TMEM230: variants seen among roughly 807,000 people sequenced by gnomAD.
TMEM230 encodes the protein UPF0414 transmembrane protein C20orf30.
Under a neutral mutation model 15.8 loss-of-function variants are expected in TMEM230, and 10 were observed. That is an observed-to-expected ratio of 0.63 (90% confidence interval 0.39 to 1.07). TMEM230 has a LOEUF of 1.07. TMEM230 is among the 50% of genes least tolerant of loss of function. TMEM230 has a pLI of 0.01. For missense variants in TMEM230, 165 were observed against 193.3 expected (o/e 0.85, Z 0.87); for synonymous variants, 67 against 76.9 (o/e 0.87, Z 0.68).
downstream of TMEM230, among the ~76,000 whole-genome samples, chr20:5,099,262 C>A (rs768081750): frequency 9.9e-5 from 15 of 151,540 alleles, no homozygotes; most frequent in African/African-American, 2.4e-4. Flanking sequence ...AATAAAAAAA[C>A]CAAATCATTT....
At chr20:5,103,166 C>T (rs543305231) in intron 4 of TMEM230, among the ~76,000 whole-genome samples, 4 of 152,142 alleles carry the variant, frequency 2.6e-5, no homozygotes, top group East Asian at 1.9e-4. Context: ...TAACACACAA[C>T]GGGAAACATA....
In TMEM230 at chr20:5,109,365, G is replaced by C. The variant is rs753682918; in HGVS notation, c.255C>G (p.Leu85=). 33 of 1,613,360 alleles carry C rather than the reference G, an allele frequency of 2.0e-5. No individual in the cohort carries two copies. The highest frequency in any genetic ancestry group is 2.8e-5 in the Non-Finnish European group (33 of 1,179,826). The change falls in exon 3 of 5, where the codon CTC becomes CTG. Residue 85 remains leucine (L), a synonymous_variant. Coordinates refer to ENST00000342308, the MANE Select transcript of TMEM230 (RefSeq NM_001009923.2). Reference sequence around the variant, plus strand: ...CAATGTAGCCATCGTCTGTGCTGGAGAGCCTTGAATATTTCACTTTACTAC... The same window carrying C: ...CAATGTAGCCATCGTCTGTGCTGGACAGCCTTGAATATTTCACTTTACTAC...
chr20:5,067,431 A>ATATG (rs1467423999), downstream of TMEM230: 4 of 11,990 alleles, frequency 3.3e-4, no homozygotes, highest in South Asian at 0.02. Context: ...ATATATATAT[A>ATATG]TATATATATA....
chr20:5,100,153 T>C lies in TMEM230; in HGVS notation c.*638A>G, dbSNP rs2089797431. On this transcript the variant is annotated 3_prime_UTR_variant, in exon 5 of 5. Transcript: ENST00000342308. Reference sequence around the variant, plus strand: ...TTTACAAGGGACAAAATGATGCAAATTATATGCTGTCCAACCTACTGGTGA... The same window carrying C: ...TTTACAAGGGACAAAATGATGCAAACTATATGCTGTCCAACCTACTGGTGA... 2.0e-6 allele frequency: 2 copies of C among 985,294 alleles called. No homozygotes were observed. Among genetic ancestry groups the C allele is most frequent in the Non-Finnish European group, 2.4e-6 (2 of 829,936 alleles). The allele number at this position is 985,294 out of a possible 1,614,324, so 61.0% of individuals were successfully genotyped here. A position where few individuals can be genotyped will look rare whatever the true frequency, so the allele number is the denominator to read the frequency against.
chr20:5,088,353 C>T (rs957900077), intron 3 of TMEM230, among the ~76,000 whole-genome samples: 2 of 147,590 alleles, frequency 1.4e-5, no homozygotes, highest in African/African-American at 2.5e-5. Flanking sequence ...TTAATTCAAA[C>T]CAACCTCCCT....
intron 3 of TMEM230, among the ~76,000 whole-genome samples, chr20:5,077,980 G>A (rs575826176): frequency 6.6e-6 from 1 of 152,190 alleles, no homozygotes; most frequent in Non-Finnish European, 1.5e-5. Context: ...CATGGGGCCT[G>A]GGGGCTTAGC....
intron 1 of TMEM230, among the ~76,000 whole-genome samples, chr20:5,112,122 G>GC (rs750681475): frequency 6.6e-6 from 1 of 152,230 alleles, no homozygotes; most frequent in Non-Finnish European, 1.5e-5. Context: ...GGGATTACAG[G>GC]CGTGAGCCAG....
chr20:5,084,157 C>T (rs1045997791), intron 3 of TMEM230, among the ~76,000 whole-genome samples: 4 of 151,818 alleles, frequency 2.6e-5, no homozygotes, highest in Middle Eastern at 3.2e-3. Flanking sequence ...TAATGGCCTT[C>T]GGGTCCATCT....
intron 3 of TMEM230, among the ~76,000 whole-genome samples, chr20:5,078,145 C>T (rs6084985): frequency 0.47 from 71,067 of 152,006 alleles, 18,109 homozygotes; most frequent in East Asian, 0.84. Context: ...GCCAAAGATG[C>T]TTCATGATTT....
rs371346200 is a variant in TMEM230, at chr20:5,092,899, C to T, written c.222+13289G>A. Among the ~76,000 whole-genome samples the T allele has an allele frequency of 5.3e-5, 8 of 152,256 alleles. No individual in the cohort carries two copies. In the East Asian group the frequency reaches 1.4e-3, roughly 26 times the overall value. ...GAATTTACCTTGCATGACAAATTCG[C>T]AGTGAACATACTGAAAGCTCTTCCA... On this transcript the variant is annotated intron_variant, in intron 3 of 3. Transcript: ENST00000612323.
chr20:5,070,059 A>G (rs2088772432), intron 3 of TMEM230, among the ~76,000 whole-genome samples: 1 of 152,120 alleles, frequency 6.6e-6, no homozygotes, highest in Non-Finnish European at 1.5e-5. Flanking sequence ...TAAGAGTGGA[A>G]GGGACATCTT....
In TMEM230 at chr20:5,106,206, TGACAGCAG is replaced by T; in HGVS notation, c.385_392del (p.Leu129ArgfsTer45). The T allele has an allele frequency of 2.5e-6, 4 of 1,611,788 alleles. No homozygotes were observed. The highest frequency in any genetic ancestry group is 3.4e-6 in the Non-Finnish European group (4 of 1,179,334). On this transcript the variant is annotated frameshift_variant, in exon 4 of 5. Coordinates refer to ENST00000342308, the MANE Select transcript of TMEM230 (RefSeq NM_001009923.2). LOFTEE classifies it high-confidence loss of function. ...AGCTTACCCCTTTGCTGATGTAGCC[TGACAGCAG>T]GAGGGAGCCTATAATAATGAGAAAG... is the stretch of plus-strand genomic sequence containing the variant.
chr20:5,081,689 C>T (rs767666994), intron 3 of TMEM230, among the ~76,000 whole-genome samples: 1 of 152,072 alleles, frequency 6.6e-6, no homozygotes, highest in African/African-American at 2.4e-5. Context: ...AAACAAAATA[C>T]ATCTTAGCCA....
chr20:5,064,296 G>A (rs1186491063), downstream of TMEM230, among the ~76,000 whole-genome samples: 3 of 149,152 alleles, frequency 2.0e-5, no homozygotes, highest in Non-Finnish European at 4.4e-5. Flanking sequence ...ACATTATCAG[G>A]CCGGGTGCAG....
chr20:5,108,661 T>C (rs1176677531), intron 3 of TMEM230, among the ~76,000 whole-genome samples: 1 of 152,208 alleles, frequency 6.6e-6, no homozygotes, highest in African/African-American at 2.4e-5. Context: ...GAGTAATTTA[T>C]TTATTTATAA....
chr20:5,109,352 C>G lies in TMEM230; in HGVS notation c.268G>C (p.Asp90His), dbSNP rs761361465. Residue 90 changes from aspartate (D) to histidine (H), a missense_variant, in exon 3 of 5, where the codon GAT (aspartate) becomes CAT (histidine). Asp to His is a moderately conservative substitution (Grantham distance 81). Coordinates refer to ENST00000342308, the MANE Select transcript of TMEM230 (RefSeq NM_001009923.2). The stretch of plus-strand genomic sequence containing the variant: ...TTTACCTGAAGGTCAATGTAGCCAT[C>G]GTCTGTGCTGGAGAGCCTTGAATAT... 6.2e-7 allele frequency: 1 copy of G among 1,612,732 alleles called. No homozygotes were observed. Among genetic ancestry groups the G allele is most frequent in the Non-Finnish European group, 8.5e-7 (1 of 1,179,614 alleles).
chr20:5,082,922 G>GTTTTTTTTTTTTTTTTTTT (rs140284230), intron 3 of TMEM230, among the ~76,000 whole-genome samples: 2 of 127,254 alleles, frequency 1.6e-5, no homozygotes, highest in South Asian at 2.5e-4. Flanking sequence ...TCTTCATATT[G>GTTTTTTTTTTTTTTTTTTT]TTTTTTTTTT....
chr20:5,064,830 T>C, downstream of TMEM230, among the ~76,000 whole-genome samples: 1 of 151,848 alleles, frequency 6.6e-6, no homozygotes, highest in East Asian at 1.9e-4. Context: ...AAAGATAGCA[T>C]TTGTAGTAAG....
At chr20:5,084,971 C>T (rs1303770795) in intron 3 of TMEM230, among the ~76,000 whole-genome samples, 1 of 152,178 alleles carries the variant, frequency 6.6e-6, no homozygotes. Context: ...CTTCCTGAGT[C>T]AATTTTAGTA....
Sources: allele counts gnomAD v4.1 joint callset (sites outside exome capture counted in the v4.1 genomes callset), GRCh38; gene constraint gnomAD v4.1.1; transcripts MANE v1.5; gene names NCBI Gene and HGNC (gene_info 2026-07-23, HGNC 2026-07-21).